The following ANKS1B variants were observed in gnomAD, a reference collection of about 807,000 sequenced individuals.
ANKS1B encodes ankyrin repeat and sterile alpha motif domain containing 1B, also known as ankyrin repeat and sterile alpha motif domain-containing protein 1B.
A neutral mutation model predicts 148.3 loss-of-function variants in ANKS1B; 36 were observed. The ratio of observed to expected loss-of-function variants is 0.24; its 90% CI spans 0.19 to 0.32. ANKS1B has a LOEUF of 0.32. Ranked by LOEUF, ANKS1B falls within the 10% of genes least tolerant of loss-of-function variation. The pLI is 1.00. For synonymous variants in ANKS1B, 542 were observed against 560.8 expected (o/e 0.97, Z 0.47); for missense variants, 1,157 against 1,542.6 (o/e 0.75, Z 4.19).
chr12:99,527,982 G>C (rs993636792), intron 9 of ANKS1B, among the ~76,000 whole-genome samples: 4 of 151,762 alleles, frequency 2.6e-5, no homozygotes, highest in Admixed American at 2.0e-4. Context: ...ATACTACAAG[G>C]CTACAGTAAC....
intron 22 of ANKS1B, among the ~76,000 whole-genome samples, chr12:98,783,385 A>G (rs2098756387): frequency 6.6e-6 from 1 of 152,154 alleles, no homozygotes; most frequent in African/African-American, 2.4e-5. Context: ...GCCATGGGAG[A>G]AGAAGAGGAC....
chr12:99,698,973 G>GTGTGTGTGTGTGTGTGTGTGTGT (rs56223205), intron 8 of ANKS1B, among the ~76,000 whole-genome samples: 6 of 119,524 alleles, frequency 5.0e-5, no homozygotes, highest in Admixed American at 1.6e-4. Context: ...TGTGTGTGTG[G>GTGTGTGTGTGTGTGTGTGTGTGT]GTGTGCACGC....
At chr12:99,009,437 G>A (rs1402495583) in intron 17 of ANKS1B, among the ~76,000 whole-genome samples, 1 of 152,176 alleles carries the variant, frequency 6.6e-6, no homozygotes, top group Non-Finnish European at 1.5e-5. Context: ...TGAGCTCTCG[G>A]TTCTATGCCC....
At chr12:98,925,161 G>A (rs932790019) in intron 17 of ANKS1B, among the ~76,000 whole-genome samples, 70 of 152,332 alleles carry the variant, frequency 4.6e-4, no homozygotes, top group African/African-American at 1.6e-3. Context: ...AACAGGAAGA[G>A]GACATTTCTT....
intron 12 of ANKS1B, among the ~76,000 whole-genome samples, chr12:99,321,332 T>C (rs1224888518): frequency 1.3e-5 from 2 of 152,216 alleles, no homozygotes; most frequent in African/African-American, 4.8e-5. Flanking sequence ...GCAGGCCACC[T>C]TGAGCTGCAG....
chr12:99,801,740 G>A (rs78012548), intron 4 of ANKS1B, among the ~76,000 whole-genome samples: 232 of 152,252 alleles, frequency 1.5e-3, no homozygotes, highest in African/African-American at 5.3e-3. Context: ...AAGAAAAAAC[G>A]TATGGTATTA....
At chr12:99,226,599 C>T (rs1294975894) in intron 14 of ANKS1B, among the ~76,000 whole-genome samples, 2 of 152,092 alleles carry the variant, frequency 1.3e-5, no homozygotes, top group Non-Finnish European at 2.9e-5. Flanking sequence ...CACGGACAAA[C>T]GTATTCATTT....
chr12:98,912,888 G>C (rs1206342213), intron 17 of ANKS1B, among the ~76,000 whole-genome samples: 1 of 152,182 alleles, frequency 6.6e-6, no homozygotes, highest in Non-Finnish European at 1.5e-5. Context: ...ACTTTAGATG[G>C]AAAGTGCCCT....
chr12:99,286,909 G>A (rs543051350), intron 12 of ANKS1B, among the ~76,000 whole-genome samples: 32 of 152,270 alleles, frequency 2.1e-4, no homozygotes, highest in Middle Eastern at 3.4e-3. Context: ...AGATTCTTAC[G>A]TTTCCTAACT....
intron 9 of ANKS1B, among the ~76,000 whole-genome samples, chr12:99,507,250 GAAATT>G (rs1374341987): frequency 6.6e-6 from 1 of 151,898 alleles, no homozygotes; most frequent in Non-Finnish European, 1.5e-5. Context: ...GTTCCATCCT[GAAATT>G]AAATTAATCA....
At chr12:99,852,716 A>G (rs751109941) in intron 1 of ANKS1B, among the ~76,000 whole-genome samples, 1 of 152,240 alleles carries the variant, frequency 6.6e-6, no homozygotes, top group Non-Finnish European at 1.5e-5. Context: ...GAGAATGCAC[A>G]GACCCTTTGA....
intron 11 of ANKS1B, among the ~76,000 whole-genome samples, chr12:99,439,189 C>T (rs1172397543): frequency 1.3e-5 from 2 of 151,510 alleles, no homozygotes; most frequent in East Asian, 1.9e-4. Flanking sequence ...GATGGATTAT[C>T]GACCTAAATA....
intron 12 of ANKS1B, among the ~76,000 whole-genome samples, chr12:99,254,212 G>T (rs2153976271): frequency 6.6e-6 from 1 of 152,314 alleles, no homozygotes; most frequent in East Asian, 1.9e-4. Context: ...TTGCACGGTG[G>T]TTCTGTGGTT....
chr12:98,841,164 T>C (rs1240306231), intron 17 of ANKS1B, among the ~76,000 whole-genome samples: 6 of 152,206 alleles, frequency 3.9e-5, no homozygotes, highest in African/African-American at 1.2e-4. Flanking sequence ...ATAAAATTTA[T>C]GATCAATTAT....
chr12:98,910,738 A>G (rs141819179), intron 17 of ANKS1B, among the ~76,000 whole-genome samples: 186 of 152,324 alleles, frequency 1.2e-3, no homozygotes, highest in Non-Finnish European at 1.8e-3. Flanking sequence ...CAATCAATGA[A>G]GCCAACACCA....
intron 14 of ANKS1B, among the ~76,000 whole-genome samples, chr12:99,175,508 C>CA (rs1294926802): frequency 6.6e-6 from 1 of 152,172 alleles, no homozygotes; most frequent in Non-Finnish European, 1.5e-5. Flanking sequence ...CATCAGAAAG[C>CA]AAAGGTGTCA....
chr12:99,875,051 G>A (rs535292110), intron 1 of ANKS1B, among the ~76,000 whole-genome samples: 1 of 152,096 alleles, frequency 6.6e-6, no homozygotes, highest in African/African-American at 2.4e-5. Flanking sequence ...GTAGACAGAG[G>A]GGGAGAGAGG....
chr12:99,871,292 A>T (rs1390021514), intron 1 of ANKS1B, among the ~76,000 whole-genome samples: 2 of 152,154 alleles, frequency 1.3e-5, no homozygotes, highest in African/African-American at 2.4e-5. Context: ...TTCTAGTACC[A>T]TGCTGTCTTG....
intron 14 of ANKS1B, among the ~76,000 whole-genome samples, chr12:99,191,352 C>A (rs1006266647): frequency 6.6e-6 from 1 of 152,124 alleles, no homozygotes; most frequent in Non-Finnish European, 1.5e-5. Flanking sequence ...TGGGTACATA[C>A]CCAAAGGAGT....
Sources: allele counts gnomAD v4.1 joint callset (sites outside exome capture counted in the v4.1 genomes callset), GRCh38; gene constraint gnomAD v4.1.1; transcripts MANE v1.5; gene names NCBI Gene and HGNC (gene_info 2026-07-23, HGNC 2026-07-21).